Variants in PHF8 observed in about 807,000 individuals in gnomAD.
PHF8 encodes the protein histone lysine demethylase PHF8.
PHF8 carries 9 observed loss-of-function variants against 74.4 expected under a neutral mutation model. The ratio of observed to expected loss-of-function variants is 0.12; its 90% CI spans 0.07 to 0.21. PHF8 has a LOEUF of 0.21. Ranked by LOEUF, PHF8 falls within the 10% of genes least tolerant of loss-of-function variation. PHF8 has a pLI of 1.00. For synonymous variants in PHF8, 311 were observed against 316.6 expected (o/e 0.98, Z 0.19); for missense variants, 478 against 816.6 (o/e 0.59, Z 5.05).
intron 7 of PHF8, among the ~76,000 whole-genome samples, chrX:54,012,645 T>TA (rs782136198): frequency 9.0e-6 from 1 of 110,782 alleles, no homozygotes; most frequent in East Asian, 2.8e-4. Flanking sequence ...AAAAATAAAG[T>TA]AAAAAAATTG....
At chrX:54,037,305 T>A (rs1020627784) in intron 2 of PHF8, among the ~76,000 whole-genome samples, 6 of 111,763 alleles carry the variant, frequency 5.4e-5, no homozygotes, top group Non-Finnish European at 1.1e-4. Context: ...TGGAGTGTAG[T>A]GGCATGATCA....
intron 19 of PHF8, among the ~76,000 whole-genome samples, chrX:53,957,006 T>C (rs1351243205): frequency 1.8e-5 from 2 of 109,221 alleles, no homozygotes; most frequent in Non-Finnish European, 3.8e-5. Context: ...AGGTCAGGAG[T>C]TCGAGACCAA....
At chrX:53,964,955 A>G (rs1485773872) in intron 18 of PHF8, among the ~76,000 whole-genome samples, 1 of 110,584 alleles carries the variant, frequency 9.0e-6, no homozygotes. Flanking sequence ...AGGGGTATAC[A>G]GTTTAAGTGT....
In PHF8 at chrX:54,017,644, G is replaced by A; in HGVS notation, c.454+17C>T. ...GAATGAACAATGTTACAGTTAAAAGGGTCTGTAGTGTCTTACCAACATAGT... is the reference window on the plus strand; with the variant it reads ...GAATGAACAATGTTACAGTTAAAAGAGTCTGTAGTGTCTTACCAACATAGT... On this transcript the variant is annotated intron_variant, in intron 5 of 21. Transcript: ENST00000338154. 1 of 1,172,377 alleles carries A rather than the reference G, an allele frequency of 8.5e-7. No individual in the cohort carries two copies. Among genetic ancestry groups the A allele is most frequent in the Non-Finnish European group, 1.2e-6 (1 of 859,645 alleles).
chrX:54,044,480 G>A (rs2066614194), upstream of PHF8: 4 of 710,747 alleles, frequency 5.6e-6, no homozygotes, highest in Non-Finnish European at 6.7e-6. Context: ...CGAGGTGAGC[G>A]CGGCGGAGGC....
At chrX:53,961,615 G>A (rs782682959) in intron 19 of PHF8, among the ~76,000 whole-genome samples, 2 of 111,129 alleles carry the variant, frequency 1.8e-5, no homozygotes, top group South Asian at 3.8e-4. Flanking sequence ...CACCAGGCCC[G>A]GCCCCAATTT....
chrX:53,982,302 C>G (rs1417036911), intron 18 of PHF8, among the ~76,000 whole-genome samples: 7 of 112,598 alleles, frequency 6.2e-5, no homozygotes, highest in Non-Finnish European at 1.9e-5. Flanking sequence ...GGGATTTGCT[C>G]TACCAGAAAC....
chrX:53,986,095 T>A, intron 16 of PHF8, 146 bp from the exon 17 acceptor site: 1 of 580,368 alleles, frequency 1.7e-6, no homozygotes, highest in East Asian at 3.4e-5. Context: ...CATTCTTTTA[T>A]CTTAATTTCC....
At chrX:53,970,050 T>C (rs1488770882) in intron 18 of PHF8, among the ~76,000 whole-genome samples, 1 of 112,248 alleles carries the variant, frequency 8.9e-6, no homozygotes, top group Non-Finnish European at 1.9e-5. Flanking sequence ...GGAAATGCTA[T>C]AGGACATTGG....
At chrX:53,947,243 C>G (rs1053282163) in intron 19 of PHF8, among the ~76,000 whole-genome samples, 3 of 111,447 alleles carry the variant, frequency 2.7e-5, no homozygotes, top group African/African-American at 9.8e-5. Flanking sequence ...AACTCCTAAC[C>G]TCAAGTGATC....
chrX:54,045,593 A>G (rs1219642320), upstream of PHF8, among the ~76,000 whole-genome samples: 6 of 112,718 alleles, frequency 5.3e-5, no homozygotes, highest in African/African-American at 1.9e-4. Flanking sequence ...ATGCAACATG[A>G]AGCTACAAAA....
At chrX:53,964,675 G>A (rs1183253472) in intron 18 of PHF8, among the ~76,000 whole-genome samples, 1 of 110,550 alleles carries the variant, frequency 9.0e-6, no homozygotes, top group East Asian at 2.8e-4. Context: ...AGACCAGCCT[G>A]GCCAACATAA....
intron 7 of PHF8, among the ~76,000 whole-genome samples, chrX:54,013,986 C>T (rs1283821091): frequency 5.4e-5 from 6 of 110,495 alleles, no homozygotes; most frequent in Non-Finnish European, 1.1e-4. Flanking sequence ...GATGGAATCT[C>T]GTTCTGTCGC....
intron 18 of PHF8, among the ~76,000 whole-genome samples, chrX:53,968,494 A>G (rs1368009085): frequency 8.9e-6 from 1 of 112,669 alleles, no homozygotes; most frequent in Non-Finnish European, 1.9e-5. Context: ...TCTACCAAAC[A>G]TTAAAACAAC....
intron 2 of PHF8, among the ~76,000 whole-genome samples, chrX:54,023,822 C>A (rs890816548): frequency 1.3e-5 from 1 of 78,694 alleles, no homozygotes; most frequent in South Asian, 6.5e-4. Context: ...GCCTGGGTGA[C>A]AGAACAAGAC....
At chrX:53,968,212 G>A (rs1557093629) in intron 18 of PHF8, among the ~76,000 whole-genome samples, 1 of 111,056 alleles carries the variant, frequency 9.0e-6, no homozygotes, top group Non-Finnish European at 1.9e-5. Flanking sequence ...AGTACTAAAT[G>A]TTTACATTAG....
intron 2 of PHF8, among the ~76,000 whole-genome samples, chrX:54,033,757 G>C (rs1474397499): frequency 9.3e-6 from 1 of 107,487 alleles, no homozygotes; most frequent in Non-Finnish European, 1.9e-5. Context: ...TAAATACATA[G>C]AAAGTGTCAG....
intron 4 of PHF8, 143 bp downstream of exon 4, chrX:54,022,116 C>G: frequency 2.1e-6 from 1 of 478,050 alleles, no homozygotes; most frequent in Non-Finnish European, 3.7e-6. Context: ...TTGACCAAAC[C>G]AGAAGGAATT....
rs2065728597 is a variant in PHF8 at position 53,995,276 on chromosome X, AC to A, written c.1323+416del. ...AACAACAACTACAACTACCACCACC[AC>A]CCACCACCACGACCCACCGTCAGAA... On this transcript the variant is annotated intron_variant, in intron 12 of 21. Transcript: ENST00000338154. The A allele has an allele frequency of 1.2e-5, 4 of 335,686 alleles. No homozygotes were observed. The Admixed American group carries it at 1.3e-4, about 11-fold the overall frequency. 27.7% of individuals were successfully genotyped at this position (335,686 alleles called of 1,213,427 possible).
Sources: allele counts gnomAD v4.1 joint callset (sites outside exome capture counted in the v4.1 genomes callset), GRCh38; gene constraint gnomAD v4.1.1; transcripts MANE v1.5; gene names NCBI Gene and HGNC (gene_info 2026-07-23, HGNC 2026-07-21).